Variants in SPAST observed in about 807,000 individuals in gnomAD.
SPAST encodes spastin, also known as spastic paraplegia 4 (autosomal dominant; spastin).
Under a neutral mutation model 76.6 loss-of-function variants are expected in SPAST, and 30 were observed. That is an observed-to-expected ratio of 0.39 (90% CI 0.29 to 0.53). The LOEUF is 0.53. Ranked by LOEUF, SPAST falls within the 20% of genes least tolerant of loss-of-function variation. SPAST has a pLI of 0.68. For missense variants in SPAST, 717 were observed against 770.5 expected (o/e 0.93, Z 0.82); for synonymous variants, 305 against 281.0 (o/e 1.09, Z -0.86).
At chr2:32,136,484 C>T in intron 9 of SPAST, 79 bp from the exon 10 acceptor site, 2 of 1,074,842 alleles carry the variant, frequency 1.9e-6, no homozygotes, top group East Asian at 2.4e-5. Context: ...TTCCTGTGTG[C>T]TAGATTTTCA....
intron 1 of SPAST, among the ~76,000 whole-genome samples, chr2:32,072,351 C>T (rs993624094): frequency 6.6e-6 from 1 of 152,122 alleles, no homozygotes; most frequent in Non-Finnish European, 1.5e-5. Flanking sequence ...CCTCAAAATA[C>T]TTCAATTTCT....
intron 2 of SPAST, among the ~76,000 whole-genome samples, chr2:32,088,477 T>G (rs907591091): frequency 6.6e-6 from 1 of 152,142 alleles, no homozygotes; most frequent in Non-Finnish European, 1.5e-5. Flanking sequence ...AAACCCTGTC[T>G]CTACTAAAAA....
At position 32,135,938 on chromosome 2, in the gene SPAST, C is replaced by T. The variant is rs374748946; in HGVS notation, c.1246-625C>T. On this transcript the variant is annotated intron_variant, in intron 9 of 16. Transcript: ENST00000315285. Reference sequence around the variant, plus strand: ...ACTAAAAATACAAAAATTAGCCAGGCGTGGTGGTGGGCGCCTGTAATCCCA... The same window carrying T: ...ACTAAAAATACAAAAATTAGCCAGGTGTGGTGGTGGGCGCCTGTAATCCCA... Among the ~76,000 whole-genome samples, 5 of 151,878 alleles carry T rather than the reference C, an allele frequency of 3.3e-5. No individual in the cohort carries two copies. In the East Asian group the frequency reaches 5.8e-4, roughly 18 times the overall value.
intron 1 of SPAST, among the ~76,000 whole-genome samples, chr2:32,086,816 T>G (rs1207499748): frequency 2.0e-5 from 3 of 152,100 alleles, no homozygotes; most frequent in Non-Finnish European, 4.4e-5. Context: ...TGTTCAAAAA[T>G]AATAGAAATA....
chr2:32,112,496 C>T (rs543838406), intron 4 of SPAST, among the ~76,000 whole-genome samples: 1 of 151,920 alleles, frequency 6.6e-6, no homozygotes. Context: ...TACAGGCGCA[C>T]GCCACCACAC....
At chr2:32,143,519 C>G in intron 14 of SPAST, 104 bp downstream of exon 14, 2 of 737,902 alleles carry the variant, frequency 2.7e-6, no homozygotes, top group Middle Eastern at 7.6e-4. Flanking sequence ...ATGAGTAATT[C>G]ATTGATCAGA....
intron 4 of SPAST, among the ~76,000 whole-genome samples, chr2:32,110,276 G>A (rs1295566286): frequency 4.0e-5 from 6 of 148,832 alleles, no homozygotes; most frequent in Admixed American, 6.7e-5. Context: ...GTGGCACCAC[G>A]CCAGGCTAAT....
intron 1 of SPAST, among the ~76,000 whole-genome samples, chr2:32,078,410 A>T (rs1236632607): frequency 6.6e-6 from 1 of 152,104 alleles, no homozygotes; most frequent in Non-Finnish European, 1.5e-5. Context: ...GCCTAGCCTC[A>T]AGTGATCTAC....
intron 3 of SPAST, among the ~76,000 whole-genome samples, chr2:32,091,957 C>T (rs559812415): frequency 6.6e-6 from 1 of 152,008 alleles, no homozygotes; most frequent in East Asian, 1.9e-4. Flanking sequence ...TATTTTTGAC[C>T]ATTGAATTAT....
At chr2:32,147,324 A>G (rs1679921061) in intron 16 of SPAST, 66 bp downstream of exon 16, 2 of 777,222 alleles carry the variant, frequency 2.6e-6, no homozygotes, top group Admixed American at 2.0e-5. Context: ...AGACATACAT[A>G]TATGAATGTG....
chr2:32,086,566 C>G (rs1179586166), intron 1 of SPAST, among the ~76,000 whole-genome samples: 1 of 151,654 alleles, frequency 6.6e-6, no homozygotes, highest in Non-Finnish European at 1.5e-5. Context: ...ATCAGCCTGG[C>G]CAACATGGTG....
intron 7 of SPAST, chr2:32,126,376 T>C (rs1203851428): frequency 2.0e-5 from 3 of 151,680 alleles, no homozygotes; most frequent in African/African-American, 7.3e-5. Flanking sequence ...TATTTTTTGG[T>C]GGGATTTCTA....
chr2:32,072,842 C>T (rs1024426196), intron 1 of SPAST, among the ~76,000 whole-genome samples: 2 of 152,344 alleles, frequency 1.3e-5, no homozygotes, highest in East Asian at 3.9e-4. Context: ...TAATTTCAGA[C>T]TTGCTTTCTT....
At chr2:32,096,655 A>G (rs1677927705) in intron 3 of SPAST, among the ~76,000 whole-genome samples, 2 of 152,234 alleles carry the variant, frequency 1.3e-5, no homozygotes, top group Non-Finnish European at 2.9e-5. Flanking sequence ...TATAAAAACT[A>G]AGAATATAAT....
chr2:32,093,160 A>T (rs1677787964), intron 3 of SPAST, among the ~76,000 whole-genome samples: 1 of 151,696 alleles, frequency 6.6e-6, no homozygotes, highest in Non-Finnish European at 1.5e-5. Context: ...AATACAAAAA[A>T]ATTAGCCGGG....
intron 1 of SPAST, among the ~76,000 whole-genome samples, chr2:32,086,135 G>A (rs955008065): frequency 5.9e-5 from 9 of 151,822 alleles, no homozygotes; most frequent in African/African-American, 2.2e-4. Context: ...TAATAATAAG[G>A]AATAGTATGG....
intron 15 of SPAST, among the ~76,000 whole-genome samples, chr2:32,146,420 G>A (rs1679887217): frequency 6.6e-6 from 1 of 152,004 alleles, no homozygotes; most frequent in Non-Finnish European, 1.5e-5. Context: ...AATTAACCAG[G>A]CCCGTTGGCA....
chr2:32,137,153 T>G lies in SPAST; in HGVS notation c.1458T>G (p.Thr486=), dbSNP rs1402494242. ...ACAGAGTACTTGTAATGGGTGCAAC[T>G]AATAGGCCACAAGAGCTTGATGAGG... The part of the protein sequence containing the change: ...GDDRVLVMGA[T]NRPQELDEAV... The change falls in exon 12 of 17, where the codon ACT becomes ACG. Residue 486 remains threonine, a synonymous_variant. Coordinates refer to ENST00000315285, the MANE Select transcript of SPAST (RefSeq NM_014946.4). 1.2e-6 allele frequency: 2 copies of G among 1,613,842 alleles called. No individual in the cohort carries two copies. Among genetic ancestry groups the G allele is most frequent in the African/African-American group, 2.7e-5 (2 of 74,942 alleles).
At chr2:32,069,269 T>A (rs1176352222) in intron 1 of SPAST, among the ~76,000 whole-genome samples, 1 of 152,008 alleles carries the variant, frequency 6.6e-6, no homozygotes, top group Non-Finnish European at 1.5e-5. Flanking sequence ...TTATCTATCT[T>A]AAATTTTTTC....
Sources: gnomAD v4.1 joint callset for allele counts (sites outside exome capture counted in the v4.1 genomes callset) on GRCh38, gnomAD v4.1.1 for gene constraint, MANE v1.5 for transcripts, NCBI Gene and HGNC (gene_info 2026-07-23, HGNC 2026-07-21) for gene names.